The following HAPLN2 variants were observed in gnomAD, a reference collection of about 807,000 sequenced individuals.
HAPLN2 encodes the protein hyaluronan and proteoglycan link protein 2.
A neutral mutation model predicts 29.3 loss-of-function variants in HAPLN2; 27 were observed. That is an observed-to-expected ratio of 0.92 (90% CI 0.68 to 1.27). The LOEUF (loss-of-function observed/expected upper bound fraction) is 1.27, where lower values mean the gene tolerates loss of function less well. Among genes scored for constraint, HAPLN2 ranks in the 50% most tolerant of loss-of-function variants. HAPLN2 has a pLI of 0.00. For synonymous variants in HAPLN2, 208 were observed against 211.7 expected, an observed-to-expected ratio of 0.98 and a Z score of 0.15; for missense variants, 454 against 484.3, an observed-to-expected ratio of 0.94 and a Z score of 0.59.
At chr1:156,616,306 TG>T (rs1375422095), upstream of HAPLN2, among the ~76,000 whole-genome samples, 4 of 152,176 alleles carry the variant, frequency 2.6e-5, no homozygotes, top group Admixed American at 2.0e-4. Context: ...TTTTAGCGTC[TG>T]GGGGGAAACT....
chr1:156,610,876 A>G, the HAPLN2 span, among the ~76,000 whole-genome samples: 1 of 152,240 alleles, frequency 6.6e-6, no homozygotes, highest in Non-Finnish European at 1.5e-5. Flanking sequence ...TATTCCTTTG[A>G]TAGTGGTTGA....
At chr1:156,606,826 C>T in the HAPLN2 span, among the ~76,000 whole-genome samples, 1 of 152,114 alleles carries the variant, frequency 6.6e-6, no homozygotes, top group Non-Finnish European at 1.5e-5. Flanking sequence ...GATATCTGAT[C>T]AGGTTCCTCA....
At chr1:156,604,920 T>C in the HAPLN2 span, among the ~76,000 whole-genome samples, 1 of 73,164 alleles carries the variant, frequency 1.4e-5, no homozygotes, top group Non-Finnish European at 3.0e-5. Context: ...CCCAGCTGGC[T>C]TTTTTTTTTT....
chr1:156,612,114 C>G, the HAPLN2 span, among the ~76,000 whole-genome samples: 1 of 152,304 alleles, frequency 6.6e-6, no homozygotes, highest in East Asian at 1.9e-4. Context: ...AGCTCCGCCT[C>G]CAGGGTTCAA....
the HAPLN2 span, among the ~76,000 whole-genome samples, chr1:156,603,765 T>C: frequency 6.6e-6 from 1 of 152,196 alleles, no homozygotes; most frequent in Admixed American, 6.5e-5. Context: ...AGGTCTCCTA[T>C]ATACTAAGGG....
upstream of HAPLN2, among the ~76,000 whole-genome samples, chr1:156,618,488 A>T (rs7538961): frequency 0.6 from 89,738 of 150,548 alleles, 29,107 homozygotes; most frequent in Non-Finnish European, 0.73. Context: ...TAAAAAAAAA[A>T]TTTTAAAAAG....
chr1:156,625,045 CAG>C lies in HAPLN2; in HGVS notation c.740-55_740-54del. On this transcript the variant is annotated intron_variant, in intron 6 of 6. Transcript: ENST00000255039. This position sits in a 1 kb window ranked among gnomAD's most constrained non-coding sequence, Gnocchi z 5.7. ...CACCCCAACTCCGCCTCCTGGGTGT[CAG>C]CCGCCCCTCTCCGCCCACCCTGCCC... 1 of 1,516,646 alleles carries C rather than the reference CAG, an allele frequency of 6.6e-7. No individual in the cohort carries two copies. Among genetic ancestry groups the C allele is most frequent in the East Asian group, 2.5e-5 (1 of 40,674 alleles). 93.9% of individuals were successfully genotyped at this position (1,516,646 alleles called of 1,614,324 possible).
the HAPLN2 span, chr1:156,601,527 G>C: frequency 1.6e-5 from 23 of 1,471,562 alleles, no homozygotes; most frequent in Non-Finnish European, 2.1e-5. Context: ...ACGTCCGCGG[G>C]AACCAAAATC....
intron 2 of HAPLN2, among the ~76,000 whole-genome samples, chr1:156,621,937 C>G (rs1678241225): frequency 6.7e-6 from 1 of 150,114 alleles, no homozygotes; most frequent in African/African-American, 2.5e-5. Flanking sequence ...GCCTGGGCAA[C>G]AGAGCGAGAC....
the HAPLN2 span, among the ~76,000 whole-genome samples, chr1:156,610,009 A>T: frequency 3.3e-5 from 5 of 151,912 alleles, no homozygotes; most frequent in Admixed American, 1.3e-4. Context: ...AGGTCAGGAG[A>T]TGGAGACCGT....
chr1:156,622,071 A>G (rs899394137), intron 2 of HAPLN2, among the ~76,000 whole-genome samples: 4 of 152,196 alleles, frequency 2.6e-5, no homozygotes, highest in Non-Finnish European at 5.9e-5. Context: ...TTTTAACTTC[A>G]TAATTTCTGT....
chr1:156,607,870 T>TA, the HAPLN2 span, among the ~76,000 whole-genome samples: 12 of 152,030 alleles, frequency 7.9e-5, no homozygotes, highest in East Asian at 3.9e-4. Context: ...GTGGGATTTT[T>TA]AAAAAAAATC....
chr1:156,603,132 G>C, the HAPLN2 span, among the ~76,000 whole-genome samples: 4 of 151,944 alleles, frequency 2.6e-5, no homozygotes, highest in African/African-American at 9.7e-5. Context: ...GCATTCCTTA[G>C]AGATGGATTC....
rs1447397345 is a variant in HAPLN2 at position 156,624,753 on chromosome 1, G to A, written c.709G>A (p.Asp237Asn). 8 of 1,540,206 alleles carry A rather than the reference G, an allele frequency of 5.2e-6. No individual in the cohort carries two copies. The East Asian group carries it at 1.6e-4, about 31-fold the overall frequency. Residue 237 changes from aspartate to asparagine, a missense_variant, in exon 6 of 7, where the codon GAC becomes AAC. This residue lies in a region of HAPLN2 where 235 missense variants were observed against 236.9 expected (regional missense o/e 0.99). Coordinates refer to ENST00000255039, the MANE Select transcript of HAPLN2 (RefSeq NM_021817.3). ...GPRDRMRDRYDAFCFTSALAG... is the reference protein window; with the variant it reads ...GPRDRMRDRYNAFCFTSALAG... ...CCGCGACCGGATGCGCGACCGCTAC[G>A]ACGCCTTCTGCTTCACCTCCGCGCT...
chr1:156,616,190 C>G (rs556325091), upstream of HAPLN2, among the ~76,000 whole-genome samples: 67 of 152,166 alleles, frequency 4.4e-4, no homozygotes, highest in African/African-American at 1.5e-3. Context: ...TGGAATCACT[C>G]CACCACACTC....
the HAPLN2 span, among the ~76,000 whole-genome samples, chr1:156,604,453 C>T: frequency 6.6e-6 from 1 of 152,096 alleles, no homozygotes; most frequent in African/African-American, 2.4e-5. Flanking sequence ...CCACGCCCAG[C>T]TAATTTTTGT....
At chr1:156,605,416 A>G in the HAPLN2 span, among the ~76,000 whole-genome samples, 1 of 151,278 alleles carries the variant, frequency 6.6e-6, no homozygotes, top group Non-Finnish European at 1.5e-5. Flanking sequence ...ACATGGTGAA[A>G]CCCTGTCTCT....
intron 2 of HAPLN2, among the ~76,000 whole-genome samples, chr1:156,620,633 C>T (rs933215776): frequency 1.3e-5 from 2 of 152,144 alleles, no homozygotes; most frequent in African/African-American, 4.8e-5. Context: ...CTATGCATAA[C>T]CTCCGTTTCT....
chr1:156,613,274 C>T, the HAPLN2 span, among the ~76,000 whole-genome samples: 7 of 152,230 alleles, frequency 4.6e-5, no homozygotes, highest in Admixed American at 4.6e-4. Context: ...TGGCTTGAAC[C>T]CGGGAGGCAG....
Sources: allele counts gnomAD v4.1 joint callset (sites outside exome capture counted in the v4.1 genomes callset), GRCh38; gene constraint gnomAD v4.1.1; regional missense constraint gnomAD v4.1.1; non-coding constraint Gnocchi (gnomAD v3.1); transcripts MANE v1.5; gene names NCBI Gene and HGNC (gene_info 2026-07-23, HGNC 2026-07-21).